Variants in SSTR5 observed in about 807,000 individuals in gnomAD.
The protein encoded by SSTR5 is somatostatin receptor type 5.
Under a neutral mutation model 0.3 loss-of-function variants are expected in SSTR5, and 1 was observed. The ratio of observed to expected loss-of-function variants is 2.98; its 90% CI spans 1.06 to 14.15. The LOEUF (loss-of-function observed/expected upper bound fraction) is 14.15. SSTR5 is among the 30% of genes most tolerant of loss of function. SSTR5 has a pLI of 0.12. For synonymous variants in SSTR5, 256 were observed against 263.1 expected (o/e 0.97, Z 0.26); for missense variants, 516 against 543.2 (o/e 0.95, Z 0.50).
Position 1,079,873 on chromosome 16 carries a change from G to T in SSTR5, c.1005G>T (p.Pro335=). ...CCAAGGACGCTGACGCCACGGAGCC[G>T]CGTCCAGACAGGATCCGGCAGCAGC... ...SGAKDADATE[P]RPDRIRQQQE... is the part of the protein sequence containing the mutation. The change falls in exon 2 of 2, where the codon CCG becomes CCT. Residue 335 remains proline (P), a synonymous_variant. Coordinates refer to ENST00000689027, the MANE Select transcript of SSTR5 (RefSeq NM_001172560.3). The T allele has an allele frequency of 6.2e-7, 1 of 1,610,400 alleles. No homozygotes were observed.
In SSTR5 at chr16:1,079,616, G is replaced by A. The variant is rs772211153; in HGVS notation, c.748G>A (p.Val250Met). The change falls in exon 2 of 2, where the codon GTG (valine) becomes ATG (methionine). Residue 250 changes from valine (V) to methionine (M), a missense_variant. Val to Met is a conservative substitution (Grantham distance 21). Coordinates refer to ENST00000689027, the MANE Select transcript of SSTR5 (RefSeq NM_001172560.3). ...RRSERKVTRMVLVVVLVFAGC... is the reference protein window; with the variant it reads ...RRSERKVTRMMLVVVLVFAGC... ...CTCGGAGCGGAAGGTGACGCGCATG[G>A]TGTTGGTGGTGGTGCTGGTGTTTGC... The A allele has an allele frequency of 6.8e-6, 11 of 1,612,094 alleles. No homozygotes were observed. Among genetic ancestry groups the A allele is most frequent in the Non-Finnish European group, 9.3e-6 (11 of 1,179,340 alleles).
At chr16:1,078,772 G>T in intron 1 of SSTR5, 70 bp from the exon 2 acceptor site, 1 of 1,465,730 alleles carries the variant, frequency 6.8e-7, no homozygotes, top group Non-Finnish European at 9.2e-7. Flanking sequence ...TGGGGCCCAG[G>T]AGGAAGGAAT....
chr16:1,077,874 G>C (rs1446024645), intron 1 of SSTR5: 4 of 141,864 alleles, frequency 2.8e-5, no homozygotes, highest in African/African-American at 7.7e-5. Context: ...CCTCCCCCAA[G>C]TCTCCCCTGT....
intron 1 of SSTR5, 182 bp from the exon 2 acceptor site, chr16:1,078,660 C>G: frequency 1.5e-6 from 1 of 655,874 alleles, no homozygotes; most frequent in Non-Finnish European, 2.6e-6. Context: ...CCTTCCTCTC[C>G]TGGCTTATTT....
chr16:1,081,019 GC>G lies in SSTR5; in HGVS notation c.*1057del, dbSNP rs1960365479. 2.1e-6 allele frequency: 1 copy of G among 469,990 alleles called. No homozygotes were observed. The highest frequency in any genetic ancestry group is 4.4e-6 in the Non-Finnish European group (1 of 226,606). The allele number at this position is 469,990 out of a possible 1,614,324, so 29.1% of individuals were successfully genotyped here. On this transcript the variant is annotated 3_prime_UTR_variant, in exon 2 of 2. Coordinates refer to ENST00000689027, the MANE Select transcript of SSTR5 (RefSeq NM_001172560.3). ...CCACAGCAGACAGCACTGCTGAGAGGCAGCGGCCGCGCGGGTGACGCAAATG... is the reference window on the plus strand; with the variant it reads ...CCACAGCAGACAGCACTGCTGAGAGGAGCGGCCGCGCGGGTGACGCAAATG...
In SSTR5 at chr16:1,081,274, G is replaced by A. The variant is rs1179513006; in HGVS notation, c.*1311G>A. 1 of 374,194 alleles carries A rather than the reference G, an allele frequency of 2.7e-6. No homozygotes were observed. Among genetic ancestry groups the A allele is most frequent in the Non-Finnish European group, 5.6e-6 (1 of 178,800 alleles). The allele number at this position is 374,194 out of a possible 1,614,324, so 23.2% of individuals were successfully genotyped here. On this transcript the variant is annotated 3_prime_UTR_variant, in exon 2 of 2. Transcript: ENST00000689027. ...CTGCCCAGCACTGGCCCCGACCCGT[G>A]CTCCCGCCGTCTGCCCAGAGCAGGA...
intron 1 of SSTR5, among the ~76,000 whole-genome samples, chr16:1,074,222 C>T (rs1024452509): frequency 6.6e-6 from 1 of 152,210 alleles, no homozygotes; most frequent in Admixed American, 6.5e-5. Flanking sequence ...GGGGCTGGGG[C>T]CTGTAGTCTT....
chr16:1,073,366 G>GGGTGCCGGGGGAGGCAACT (rs1354183419), intron 1 of SSTR5: 3 of 152,350 alleles, frequency 2.0e-5, no homozygotes, highest in Non-Finnish European at 4.4e-5. Context: ...TCCGCAATTT[G>GGGTGCCGGGGGAGGCAACT]GGTGCCGGGG....
At chr16:1,072,923 G>A (rs1960117260) in intron 1 of SSTR5, among the ~76,000 whole-genome samples, 101 bp downstream of exon 1, 1 of 148,590 alleles carries the variant, frequency 6.7e-6, no homozygotes, top group African/African-American at 2.5e-5. Context: ...GCCCCGGCCC[G>A]GGGTCCCGCC....
rs1314718331 is a variant in SSTR5 at position 1,079,275 on chromosome 16, A to ACC, written c.408_409dup (p.Arg137ProfsTer10). ...TTCTGCCTGACAGTCATGAGCGTGG[A>ACC]CCGCTACCTGGCAGTGGTGCACCCG... On this transcript the variant is annotated frameshift_variant, in exon 2 of 2. Transcript: ENST00000689027. LOFTEE classifies it low-confidence loss of function (END_TRUNC). The ACC allele has an allele frequency of 6.2e-7, 1 of 1,611,976 alleles. No individual in the cohort carries two copies. The highest frequency in any genetic ancestry group is 1.7e-5 in the Admixed American group (1 of 60,014).
intron 1 of SSTR5, chr16:1,078,617 C>T (rs1053554887): frequency 4.3e-5 from 25 of 578,408 alleles, no homozygotes; most frequent in East Asian, 2.0e-4. Context: ...AGCAGCCGTC[C>T]GTCTGGGCTC....
At chr16:1,075,154 T>C (rs149739541) in intron 1 of SSTR5, among the ~76,000 whole-genome samples, 1 of 152,276 alleles carries the variant, frequency 6.6e-6, no homozygotes, top group Non-Finnish European at 1.5e-5. Flanking sequence ...AAATAACGGC[T>C]CTTGCAGAAT....
At position 1,074,266 on chromosome 16, in the gene SSTR5, A is replaced by C. The variant is rs180695859; in HGVS notation, c.-28+1444A>C. ...TGTCCCCCGACGTTTGCCCCTGCCCAGCACACAATGGAGGAGCCCGGGTGG... is the reference window on the plus strand; with the variant it reads ...TGTCCCCCGACGTTTGCCCCTGCCCCGCACACAATGGAGGAGCCCGGGTGG... On this transcript the variant is annotated intron_variant, in intron 1 of 1. Transcript: ENST00000689027. 1.9e-3 allele frequency among the ~76,000 whole-genome samples: 292 copies of C among 152,308 alleles called. 1 individual carries two copies. Among genetic ancestry groups the C allele is most frequent in the African/African-American group, 6.4e-3 (267 of 41,578 alleles).
Position 1,079,287 on chromosome 16 carries a change from C to A in SSTR5, c.419C>A (p.Ala140Glu). Residue 140 changes from alanine to glutamate, a missense_variant, in exon 2 of 2, where the codon GCA (alanine) becomes GAA (glutamate). Physicochemically the swap from Ala to Glu is moderately radical, Grantham distance 107. Coordinates refer to ENST00000689027, the MANE Select transcript of SSTR5 (RefSeq NM_001172560.3). ...GTCATGAGCGTGGACCGCTACCTGG[C>A]AGTGGTGCACCCGCTGAGCTCGGCC... The part of the protein sequence containing the change: ...LTVMSVDRYL[A>E]VVHPLSSARW... 2 of 1,611,510 alleles carry A rather than the reference C, an allele frequency of 1.2e-6. No individual in the cohort carries two copies. Among genetic ancestry groups the A allele is most frequent in the African/African-American group, 1.3e-5 (1 of 75,034 alleles).
rs201222748 is a variant in SSTR5, at chr16:1,079,833, G to T, written c.965G>T (p.Arg322Leu). ...AGCTTCCAGAAGGTTCTGTGCCTCC[G>T]CAAGGGCTCTGGTGCCAAGGACGCT... ...RQSFQKVLCL[R>L]KGSGAKDADA... Residue 322 changes from arginine to leucine, a missense_variant, in exon 2 of 2, where the codon CGC becomes CTC. Coordinates refer to ENST00000689027, the MANE Select transcript of SSTR5 (RefSeq NM_001172560.3). 6.8e-6 allele frequency: 11 copies of T among 1,611,992 alleles called. No homozygotes were observed. In the Admixed American group the frequency reaches 1.3e-4, roughly 20 times the overall value.
rs776547630 is a variant in SSTR5 at position 1,079,647 on chromosome 16, G to A, written c.779G>A (p.Cys260Tyr). 4 of 1,612,362 alleles carry A rather than the reference G, an allele frequency of 2.5e-6. No homozygotes were observed. The highest frequency in any genetic ancestry group is 1.7e-5 in the Admixed American group (1 of 59,994). The change falls in exon 2 of 2, where the codon TGT (cysteine) becomes TAT (tyrosine). Residue 260 changes from cysteine to tyrosine, a missense_variant. By Grantham distance (194) the Cys-to-Tyr change is radical. Coordinates refer to ENST00000689027, the MANE Select transcript of SSTR5 (RefSeq NM_001172560.3). ...VLVVVLVFAG[C>Y]WLPFFTVNIV... ...GTGGTGGTGCTGGTGTTTGCGGGATGTTGGCTGCCCTTCTTCACCGTCAAC... is the reference window on the plus strand; with the variant it reads ...GTGGTGGTGCTGGTGTTTGCGGGATATTGGCTGCCCTTCTTCACCGTCAAC...
chr16:1,072,862 C>G (rs1960115245), intron 1 of SSTR5, among the ~76,000 whole-genome samples, 40 bp downstream of exon 1: 1 of 151,958 alleles, frequency 6.6e-6, no homozygotes, highest in African/African-American at 2.4e-5. Flanking sequence ...CGCGCGGGCA[C>G]CCCCTGCCCT....
rs565935727 is a variant in SSTR5 at position 1,076,718 on chromosome 16, T to G, written c.-27-2124T>G. Among the ~76,000 whole-genome samples, 14 of 103,540 alleles carry G rather than the reference T, an allele frequency of 1.4e-4. No homozygotes were observed. In the South Asian group the frequency reaches 3.8e-3, roughly 28 times the overall value. The allele number at this position is 103,540 out of a possible 152,430, so 67.9% of individuals were successfully genotyped here. On this transcript the variant is annotated intron_variant, in intron 1 of 1. Transcript: ENST00000689027. ...CACTGGAGTTGGTTCTGACCACTTT[T>G]GTAGTGTTTTTTTCCACTTAAATGA...
chr16:1,075,905 ACTCT>A, intron 1 of SSTR5, among the ~76,000 whole-genome samples: 1 of 9,610 alleles, frequency 1.0e-4, no homozygotes, highest in Non-Finnish European at 1.9e-4. Flanking sequence ...CTCCCCCCCC[ACTCT>A]CTCTCCCTCC....
Sources: allele counts gnomAD v4.1 joint callset (sites outside exome capture counted in the v4.1 genomes callset), GRCh38; gene constraint gnomAD v4.1.1; transcripts MANE v1.5; gene names NCBI Gene and HGNC (gene_info 2026-07-23, HGNC 2026-07-21).